Variants in RNF32 observed in about 807,000 individuals in gnomAD.
The protein encoded by RNF32 is ring finger protein 32.
Under a neutral mutation model 41.0 loss-of-function variants are expected in RNF32, and 36 were observed. The observed-to-expected ratio is 0.88, with a 90% CI of 0.67 to 1.16. The LOEUF (loss-of-function observed/expected upper bound fraction) is 1.16, where lower values mean the gene tolerates loss of function less well. Ranked by LOEUF, RNF32 falls within the 50% of genes most tolerant of loss-of-function variation. The pLI, the probability that RNF32 is intolerant of heterozygous loss-of-function variation, is 0.00. For synonymous variants in RNF32, 154 were observed against 160.9 expected (o/e 0.96, Z 0.32); for missense variants, 413 against 436.7 (o/e 0.95, Z 0.48).
rs1563104144 is a variant in RNF32 at position 156,675,744 on chromosome 7, GAAGAGCTCTTT to G, written c.734_744del (p.Glu245GlyfsTer24). On this transcript the variant is annotated frameshift_variant, in exon 8 of 9. Transcript: ENST00000317955. LOFTEE classifies it high-confidence loss of function. ...CCTGTGCTCATACAACACCAACATT[GAAGAGCTCTTT>G]GCAGAAATCGATCAGTGCTTGGCCA... 2.5e-6 allele frequency: 4 copies of G among 1,613,708 alleles called. No individual in the cohort carries two copies. Among genetic ancestry groups the G allele is most frequent in the Non-Finnish European group, 3.4e-6 (4 of 1,179,810 alleles).
At chr7:156,662,931 T>C (rs1036443363) in intron 7 of RNF32, among the ~76,000 whole-genome samples, 11 of 147,032 alleles carry the variant, frequency 7.5e-5, no homozygotes, top group Admixed American at 2.8e-4. Context: ...CACTGCAACC[T>C]CCGCCTCCCA....
chr7:156,664,252 G>A (rs865868093), intron 7 of RNF32, among the ~76,000 whole-genome samples: 3 of 152,154 alleles, frequency 2.0e-5, no homozygotes, highest in East Asian at 1.9e-4. Flanking sequence ...ACGTGAGGTC[G>A]GGAGTTCGAG....
At chr7:156,663,733 A>T (rs1202449433) in intron 7 of RNF32, among the ~76,000 whole-genome samples, 2 of 152,240 alleles carry the variant, frequency 1.3e-5, no homozygotes, top group East Asian at 3.8e-4. Flanking sequence ...ATAGACAAAC[A>T]ATGAAACAGT....
chr7:156,668,109 C>A (rs951496897), intron 7 of RNF32, among the ~76,000 whole-genome samples: 4 of 152,146 alleles, frequency 2.6e-5, no homozygotes, highest in African/African-American at 9.7e-5. Context: ...AAGGGCCTTA[C>A]AAAGATGAAT....
chr7:156,662,910 C>T (rs1800847224), intron 7 of RNF32, among the ~76,000 whole-genome samples: 4 of 148,942 alleles, frequency 2.7e-5, no homozygotes, highest in African/African-American at 5.0e-5. Context: ...TGCAGTGGCG[C>T]GATCTCGGCA....
intron 7 of RNF32, among the ~76,000 whole-genome samples, chr7:156,662,626 A>T (rs1279591475): frequency 1.3e-5 from 2 of 152,008 alleles, no homozygotes; most frequent in Non-Finnish European, 2.9e-5. Flanking sequence ...TTTTCTGTAG[A>T]TACACAGAAA....
chr7:156,671,496 T>C (rs1443293199), intron 7 of RNF32, among the ~76,000 whole-genome samples: 1 of 152,250 alleles, frequency 6.6e-6, no homozygotes, highest in Non-Finnish European at 1.5e-5. Context: ...ACATATTTTC[T>C]TTCAAAGTAC....
intron 7 of RNF32, among the ~76,000 whole-genome samples, chr7:156,665,960 C>T (rs1801284531): frequency 6.6e-6 from 1 of 152,218 alleles, no homozygotes; most frequent in Non-Finnish European, 1.5e-5. Flanking sequence ...GACATTTGGC[C>T]TTACACATAT....
chr7:156,665,625 T>C (rs555840526), intron 7 of RNF32, among the ~76,000 whole-genome samples: 1 of 152,260 alleles, frequency 6.6e-6, no homozygotes, highest in African/African-American at 2.4e-5. Flanking sequence ...GAGAAATCAA[T>C]CACATGACGC....
In RNF32 at chr7:156,644,549, A is replaced by G. The variant is rs768433870; in HGVS notation, c.66A>G (p.Gln22=). 6 of 1,612,544 alleles carry G rather than the reference A, an allele frequency of 3.7e-6. No homozygotes were observed. The highest frequency in any genetic ancestry group is 5.1e-6 in the Non-Finnish European group (6 of 1,179,250). The part of the protein sequence containing the change: ...DNLAVNAVAL[Q]DHILHDLQLR... Reference sequence around the variant, plus strand: ...TGGCAGTCAATGCAGTTGCTTTACAAGATCACATTTTACATGATCTTCAAC... The same window carrying G: ...TGGCAGTCAATGCAGTTGCTTTACAGGATCACATTTTACATGATCTTCAAC... Residue 22 remains glutamine, a synonymous_variant, in exon 3 of 9, where the codon CAA becomes CAG. Transcript: ENST00000317955.
chr7:156,670,712 G>A lies in RNF32; in HGVS notation c.685-4984G>A, dbSNP rs1251120203. 6.6e-6 allele frequency among the ~76,000 whole-genome samples: 1 copy of A among 152,172 alleles called. No homozygotes were observed. Among genetic ancestry groups the A allele is most frequent in the Non-Finnish European group, 1.5e-5 (1 of 68,036 alleles). The stretch of plus-strand genomic sequence containing the variant: ...GAGATGGCATCTCCGTGTGTCGGGA[G>A]AGACCTAACCGCCAGTCTAGACTCC... On this transcript the variant is annotated intron_variant, in intron 7 of 8. Transcript: ENST00000317955. The surrounding 1 kb of genome is among the most constrained non-coding windows in gnomAD (Gnocchi z 4.3).
In RNF32 at chr7:156,644,510, TAAGA is replaced by T. The variant is rs749212915; in HGVS notation, c.32_35del (p.Lys11IlefsTer41). On this transcript the variant is annotated frameshift_variant, in exon 3 of 9. Transcript: ENST00000317955. LOFTEE classifies it high-confidence loss of function. The stretch of plus-strand genomic sequence containing the variant: ...TTCCTACTTTTTAGGGTCACTCATC[TAAGA>T]AAGATAACTTGGCAGTCAATGCAGT... 3.0e-5 allele frequency: 49 copies of T among 1,609,672 alleles called. No individual in the cohort carries two copies. Among genetic ancestry groups the T allele is most frequent in the Non-Finnish European group, 4.0e-5 (47 of 1,178,232 alleles).
At chr7:156,648,854 A>ATTGTT (rs925844016) in intron 3 of RNF32, among the ~76,000 whole-genome samples, 50 of 152,066 alleles carry the variant, frequency 3.3e-4, no homozygotes, top group South Asian at 1.3e-3. Flanking sequence ...TGTTAAATCC[A>ATTGTT]TTGTTTTGTT....
chr7:156,649,408 C>T (rs1333327452), intron 3 of RNF32, among the ~76,000 whole-genome samples: 1 of 150,514 alleles, frequency 6.6e-6, no homozygotes, highest in African/African-American at 2.4e-5. Context: ...TTTTTCCCTG[C>T]TTTTTTTTTA....
chr7:156,676,043 G>T (rs1177160592), intron 8 of RNF32, among the ~76,000 whole-genome samples, 180 bp downstream of exon 8: 1 of 151,826 alleles, frequency 6.6e-6, no homozygotes, highest in Admixed American at 6.6e-5. Context: ...ACTCACTTTG[G>T]GAAGCCTAGG....
intron 7 of RNF32, chr7:156,659,841 T>C: frequency 1.1e-6 from 1 of 920,778 alleles, no homozygotes; most frequent in Non-Finnish European, 1.3e-6. Context: ...GTTCAAATGC[T>C]GCAGCCTTCA....
At chr7:156,642,705 G>A (rs1233286023) in intron 1 of RNF32, among the ~76,000 whole-genome samples, 1 of 152,236 alleles carries the variant, frequency 6.6e-6, no homozygotes, top group Non-Finnish European at 1.5e-5. Context: ...GGCATCCCAT[G>A]GCAGGGCACA....
chr7:156,658,977 C>T (rs564625757), intron 7 of RNF32: 1 of 1,509,366 alleles, frequency 6.6e-7, no homozygotes, highest in South Asian at 1.3e-5. Flanking sequence ...AAAATAAAGC[C>T]CCCACATGCT....
chr7:156,646,159 C>A (rs922794793), intron 3 of RNF32, among the ~76,000 whole-genome samples: 2 of 152,192 alleles, frequency 1.3e-5, no homozygotes, highest in African/African-American at 4.8e-5. Flanking sequence ...ATGTATTATG[C>A]ACTTATAATT....
Sources: gnomAD v4.1 joint callset for allele counts (sites outside exome capture counted in the v4.1 genomes callset) on GRCh38, gnomAD v4.1.1 for gene constraint, Gnocchi (gnomAD v3.1) non-coding constraint, MANE v1.5 for transcripts, NCBI Gene and HGNC (gene_info 2026-07-23, HGNC 2026-07-21) for gene names.